Variants in EBF3 observed in about 807,000 individuals in gnomAD.
The protein encoded by EBF3 is EBF transcription factor 3, also known as transcription factor COE3.
A neutral mutation model predicts 77.1 loss-of-function variants in EBF3; 18 were observed. The ratio of observed to expected loss-of-function variants is 0.23; its 90% CI spans 0.16 to 0.35. EBF3 has a LOEUF of 0.35. EBF3 is among the 10% of genes least tolerant of loss of function. The pLI, the probability that EBF3 is intolerant of heterozygous loss-of-function variation, is 1.00. For missense variants in EBF3, 558 were observed against 860.0 expected (o/e 0.65, Z 4.39); for synonymous variants, 350 against 343.5 (o/e 1.02, Z -0.21).
chr10:129,953,559 G>A (rs1023077369), intron 6 of EBF3, among the ~76,000 whole-genome samples: 1 of 152,192 alleles, frequency 6.6e-6, no homozygotes, highest in African/African-American at 2.4e-5. Flanking sequence ...AGGGGGCACC[G>A]CCTGCCGCAG....
At chr10:129,889,655 T>C (rs995743991) in intron 6 of EBF3, among the ~76,000 whole-genome samples, 1 of 152,192 alleles carries the variant, frequency 6.6e-6, no homozygotes, top group African/African-American at 2.4e-5. Flanking sequence ...CCGTTCACTT[T>C]CTAATGACCA....
At chr10:129,931,387 T>TG (rs1857016877) in intron 6 of EBF3, among the ~76,000 whole-genome samples, 1 of 152,228 alleles carries the variant, frequency 6.6e-6, no homozygotes, top group African/African-American at 2.4e-5. Flanking sequence ...GAAGAGAGCC[T>TG]GAGTGTGGCA....
At chr10:129,949,618 A>C (rs1160397338) in intron 6 of EBF3, among the ~76,000 whole-genome samples, 7 of 152,054 alleles carry the variant, frequency 4.6e-5, no homozygotes, top group Admixed American at 2.0e-4. Context: ...CCATGCCCAT[A>C]ATCAAATCCC....
intron 6 of EBF3, among the ~76,000 whole-genome samples, chr10:129,945,183 G>C (rs1858107436): frequency 8.0e-6 from 1 of 125,650 alleles, no homozygotes; most frequent in African/African-American, 3.1e-5. Context: ...GTGAAGAGGA[G>C]GGGAGGGAGG....
At chr10:129,873,415 C>A in intron 8 of EBF3, 37 bp downstream of exon 8, 3 of 1,478,402 alleles carry the variant, frequency 2.0e-6, no homozygotes, top group South Asian at 2.9e-5. Flanking sequence ...GAAAAAGAAG[C>A]ATCGCAAATA....
chr10:129,892,851 G>A (rs1398253034), intron 6 of EBF3, among the ~76,000 whole-genome samples: 1 of 152,214 alleles, frequency 6.6e-6, no homozygotes, highest in Non-Finnish European at 1.5e-5. Context: ...CTGTGACAAC[G>A]CACTTGAACG....
At chr10:129,946,061 G>A (rs1468331729) in intron 6 of EBF3, among the ~76,000 whole-genome samples, 2 of 149,930 alleles carry the variant, frequency 1.3e-5, no homozygotes, top group South Asian at 4.2e-4. Flanking sequence ...GTTAAACACA[G>A]ACAGGGAGTA....
At chr10:129,939,842 T>C (rs1048794506) in intron 6 of EBF3, among the ~76,000 whole-genome samples, 7 of 152,194 alleles carry the variant, frequency 4.6e-5, no homozygotes, top group African/African-American at 1.7e-4. Flanking sequence ...GACCTTACGG[T>C]TGCACTTAGG....
intron 11 of EBF3, chr10:129,846,016 A>T (rs1002430379): frequency 1.4e-5 from 2 of 146,390 alleles, no homozygotes; most frequent in African/African-American, 5.0e-5. Flanking sequence ...AGAATTCTTT[A>T]GTCTCTGATC....
Position 129,945,344 on chromosome 10 carries a change from G to A in EBF3, c.554+11914C>T, listed in dbSNP as rs116769180. On this transcript the variant is annotated intron_variant, in intron 6 of 16. Transcript: ENST00000440978. The stretch of plus-strand genomic sequence containing the variant: ...TAACCATCCCTCGAAGATAACTCGG[G>A]AGAACCCTAACCGATTGCGATGGTC... 2.5e-3 allele frequency among the ~76,000 whole-genome samples: 381 copies of A among 152,214 alleles called. 3 individuals are homozygous for A. The highest frequency in any genetic ancestry group is 7.1e-3 in the African/African-American group (295 of 41,540).
chr10:129,840,173 C>G (rs550449451), intron 15 of EBF3, 72 bp downstream of exon 15: 31 of 1,451,854 alleles, frequency 2.1e-5, no homozygotes, highest in Non-Finnish European at 2.7e-5. Flanking sequence ...AAAGGCCGAG[C>G]CCCCACCCCC....
At chr10:129,911,483 C>T (rs1473034727) in intron 6 of EBF3, among the ~76,000 whole-genome samples, 1 of 152,180 alleles carries the variant, frequency 6.6e-6, no homozygotes, top group Non-Finnish European at 1.5e-5. Context: ...CAATCACTTC[C>T]CTCTTCCATC....
At chr10:129,867,751 A>G (rs775242051) in intron 9 of EBF3, 31 bp downstream of exon 9, 1 of 1,611,422 alleles carries the variant, frequency 6.2e-7, no homozygotes, top group Non-Finnish European at 8.5e-7. Context: ...AGACAGCAAC[A>G]GCGCGAAGCT....
At chr10:129,890,587 G>A (rs1324439190) in intron 6 of EBF3, among the ~76,000 whole-genome samples, 1 of 152,220 alleles carries the variant, frequency 6.6e-6, no homozygotes, top group Non-Finnish European at 1.5e-5. Flanking sequence ...ATTTGGAATA[G>A]ACTATTTACC....
At chr10:129,877,925 G>C (rs1852908659) in intron 6 of EBF3, 76 bp from the exon 7 acceptor site, 1 of 1,180,786 alleles carries the variant, frequency 8.5e-7, no homozygotes, top group African/African-American at 1.5e-5. Flanking sequence ...AGACACTCTT[G>C]CGCAGGGAGG....
Position 129,837,619 on chromosome 10 carries a change from C to T in EBF3, c.*324G>A. 1 of 343,038 alleles carries T rather than the reference C, an allele frequency of 2.9e-6. No individual in the cohort carries two copies. Among genetic ancestry groups the T allele is most frequent in the Non-Finnish European group, 5.3e-6 (1 of 186,962 alleles). The allele number at this position is 343,038 out of a possible 1,614,324, so 21.2% of individuals were successfully genotyped here. The stretch of plus-strand genomic sequence containing the variant: ...AACACATAGCAATTACTAGACATGG[C>T]CAAGACGGAGTCGGAAACTTTATAC... On this transcript the variant is annotated 3_prime_UTR_variant, in exon 17 of 17. Coordinates refer to ENST00000440978, the MANE Select transcript of EBF3 (RefSeq NM_001375380.1).
intron 6 of EBF3, among the ~76,000 whole-genome samples, chr10:129,927,422 C>G (rs746899767): frequency 2.6e-5 from 4 of 152,326 alleles, no homozygotes; most frequent in African/African-American, 9.6e-5. Flanking sequence ...TCAATTCAAC[C>G]ATAATCTCCC....
chr10:129,916,487 G>A (rs530227944), intron 6 of EBF3, among the ~76,000 whole-genome samples: 2 of 152,328 alleles, frequency 1.3e-5, no homozygotes, highest in South Asian at 2.1e-4. Context: ...ATGATTATCC[G>A]TGCGGGGCAT....
chr10:129,953,415 A>T (rs1388148970), intron 6 of EBF3, among the ~76,000 whole-genome samples: 1 of 148,332 alleles, frequency 6.7e-6, no homozygotes. Context: ...AACCCCCACC[A>T]AAACTAAAGC....
Sources: gnomAD v4.1 joint callset for allele counts (sites outside exome capture counted in the v4.1 genomes callset) on GRCh38, gnomAD v4.1.1 for gene constraint, MANE v1.5 for transcripts, NCBI Gene and HGNC (gene_info 2026-07-23, HGNC 2026-07-21) for gene names.